The following OTOG variants were observed in gnomAD, a reference collection of about 807,000 sequenced individuals.
OTOG encodes otogelin.
Under a neutral mutation model 313.8 loss-of-function variants are expected in OTOG, and 296 were observed. The ratio of observed to expected loss-of-function variants is 0.94; its 90% CI spans 0.86 to 1.04. The LOEUF (loss-of-function observed/expected upper bound fraction) is 1.04. Among genes scored for constraint, OTOG ranks in the 50% least tolerant of loss-of-function variants. The pLI is 0.00. For missense variants in OTOG, 3,948 were observed against 3,840.1 expected, an observed-to-expected ratio of 1.03 and a Z score of -0.74; for synonymous variants, 1,533 against 1,554.9, an observed-to-expected ratio of 0.99 and a Z score of 0.33.
intron 39 of OTOG, among the ~76,000 whole-genome samples, chr11:17,622,730 C>T (rs1008995552): frequency 6.6e-6 from 1 of 152,224 alleles, no homozygotes; most frequent in Non-Finnish European, 1.5e-5. Flanking sequence ...ATAAGTACCA[C>T]ATTTTCTTTA....
rs10832824 is a variant in OTOG at position 17,641,897 on chromosome 11, C to T, written c.8241C>T (p.Cys2747=). The T allele has an allele frequency of 0.33, 506,180 of 1,548,770 alleles. 85,458 individuals are homozygous for T. The highest frequency in any genetic ancestry group is 0.48 in the African/African-American group (34,745 of 72,936). ...PRDLAACCGS[C]RNVSCLFTFP... is the part of the protein sequence containing the mutation. Reference sequence around the variant, plus strand: ...ACCTCGCTGCCTGCTGCGGCTCCTGCAGGAACGTGTCCTGTCTCTTCACCT... The same window carrying T: ...ACCTCGCTGCCTGCTGCGGCTCCTGTAGGAACGTGTCCTGTCTCTTCACCT... Residue 2747 remains cysteine (C), a synonymous_variant, in exon 52 of 56, where the codon TGC becomes TGT. Coordinates refer to ENST00000399397, the MANE Select transcript of OTOG (RefSeq NM_001292063.2).
rs1185093609 is a variant in OTOG at position 17,573,257 on chromosome 11, C to T, written c.2260C>T (p.Pro754Ser). 2.0e-6 allele frequency: 3 copies of T among 1,530,886 alleles called. No individual in the cohort carries two copies. The highest frequency in any genetic ancestry group is 2.6e-6 in the Non-Finnish European group (3 of 1,142,810). 94.8% of individuals were successfully genotyped at this position (1,530,886 alleles called of 1,614,324 possible). ...YAHLCRRHGL[P>S]VDFRARLPAC... ...CCACCTGTGCCGGCGCCATGGGCTC[C>T]CCGTTGATTTCCGCGCCCGCCTGCC... The change falls in exon 19 of 56, where the codon CCC becomes TCC. Residue 754 changes from proline (P) to serine (S), a missense_variant. Transcript: ENST00000399397.
At chr11:17,593,524 C>G in intron 26 of OTOG, 86 bp from the exon 27 acceptor site, 1 of 1,504,952 alleles carries the variant, frequency 6.6e-7, no homozygotes, top group Non-Finnish European at 9.0e-7. Flanking sequence ...GAGGCAGAGG[C>G]ATTGGTGAGG....
intron 24 of OTOG, among the ~76,000 whole-genome samples, chr11:17,589,201 G>A (rs1390105727): frequency 6.6e-6 from 1 of 152,066 alleles, no homozygotes; most frequent in East Asian, 1.9e-4. Context: ...TAAATTCATG[G>A]GCTCAGAAGG....
rs901736150 is a variant in OTOG at position 17,610,458 on chromosome 11, G to A, written c.5158G>A (p.Val1720Met). 2.6e-6 allele frequency: 4 copies of A among 1,550,510 alleles called. No individual in the cohort carries two copies. Among genetic ancestry groups the A allele is most frequent in the African/African-American group, 2.7e-5 (2 of 73,054 alleles). ...SPLATRSLEI[V>M]LSTEKGEAGH... Reference sequence around the variant, plus strand: ...CCTTGCAACCAGGAGCTTGGAGATAGTGCTATCCACAGAGAAGGGCGAAGC... The same window carrying A: ...CCTTGCAACCAGGAGCTTGGAGATAATGCTATCCACAGAGAAGGGCGAAGC... The change falls in exon 36 of 56, where the codon GTG (valine) becomes ATG (methionine). Residue 1720 changes from valine to methionine, a missense_variant. Coordinates refer to ENST00000399397, the MANE Select transcript of OTOG (RefSeq NM_001292063.2).
Position 17,635,671 on chromosome 11 carries a change from C to A in OTOG, c.7755C>A (p.His2585Gln), listed in dbSNP as rs781611324. 3.2e-6 allele frequency: 5 copies of A among 1,550,482 alleles called. No homozygotes were observed. The highest frequency in any genetic ancestry group is 4.9e-5 in the East Asian group (2 of 40,928). The part of the protein sequence containing the change: ...ECQEGEALTV[H>Q]RNTTELCCPL... ...AAGAAGGGGAGGCGCTCACTGTGCA[C>A]AGGAATACCACGGAACTCTGCTGCC... The change falls in exon 47 of 56, where the codon CAC (histidine) becomes CAA (glutamine). Residue 2585 changes from histidine (H) to glutamine (Q), a missense_variant. Coordinates refer to ENST00000399397, the MANE Select transcript of OTOG (RefSeq NM_001292063.2).
chr11:17,637,284 C>A (rs1854290563), intron 47 of OTOG, among the ~76,000 whole-genome samples: 2 of 152,066 alleles, frequency 1.3e-5, no homozygotes, highest in African/African-American at 2.4e-5. Flanking sequence ...CATGTTAATA[C>A]ATTTTCAACT....
intron 15 of OTOG, among the ~76,000 whole-genome samples, chr11:17,566,727 T>C (rs868778517): frequency 2.6e-5 from 4 of 152,250 alleles, no homozygotes; most frequent in Non-Finnish European, 4.4e-5. Flanking sequence ...AGGAAATAAC[T>C]TTATCAACTA....
Position 17,561,104 on chromosome 11 carries a change from G to A in OTOG, c.1465G>A (p.Gly489Ser), listed in dbSNP as rs1054542694. 1.9e-6 allele frequency: 3 copies of A among 1,550,470 alleles called. No individual in the cohort carries two copies. Among genetic ancestry groups the A allele is most frequent in the Non-Finnish European group, 2.6e-6 (3 of 1,146,994 alleles). Reference sequence around the variant, plus strand: ...TCTGTGTTTTAGCACATGCACCTCAGGCAAGTGGGAGTGCAGCACAGCTGT... The same window carrying A: ...TCTGTGTTTTAGCACATGCACCTCAAGCAAGTGGGAGTGCAGCACAGCTGT... Reference protein sequence around the residue: ...EDCNTCTCTSGKWECSTAVCP... With the variant: ...EDCNTCTCTSSKWECSTAVCP... The change falls in exon 14 of 56, where the codon GGC becomes AGC. Residue 489 changes from glycine to serine, a missense_variant. By Grantham distance (56) the Gly-to-Ser change is moderately conservative. Coordinates refer to ENST00000399397, the MANE Select transcript of OTOG (RefSeq NM_001292063.2).
intron 14 of OTOG, 87 bp downstream of exon 14, chr11:17,561,224 T>A: frequency 6.9e-7 from 1 of 1,449,742 alleles, no homozygotes; most frequent in Non-Finnish European, 9.5e-7. Context: ...CCAGGCTTGC[T>A]GCGGGTGGGG....
intron 8 of OTOG, among the ~76,000 whole-genome samples, 185 bp downstream of exon 8, chr11:17,557,508 G>A (rs1296137946): frequency 6.6e-6 from 1 of 152,176 alleles, no homozygotes; most frequent in East Asian, 1.9e-4. Context: ...TTAAACTACT[G>A]TCAACCCCAG....
At position 17,559,069 on chromosome 11, in the gene OTOG, C is replaced by A. The variant is rs916785428; in HGVS notation, c.1121C>A (p.Ala374Asp). The change falls in exon 11 of 56, where the codon GCC becomes GAC. Residue 374 changes from alanine to aspartate, a missense_variant. Ala to Asp is a moderately radical substitution (Grantham distance 126). Coordinates refer to ENST00000399397, the MANE Select transcript of OTOG (RefSeq NM_001292063.2). ...CTGCACAGATCAATGGGTGATGTAG[C>A]CACCTGGTGCCGGGCACTGGCGGAG... ...SDLCQSMGDVATWCRALAEYA... is the reference protein window; with the variant it reads ...SDLCQSMGDVDTWCRALAEYA... The A allele has an allele frequency of 6.5e-7, 1 of 1,548,168 alleles. No individual in the cohort carries two copies. The highest frequency in any genetic ancestry group is 1.4e-5 in the African/African-American group (1 of 73,166).
intron 34 of OTOG, among the ~76,000 whole-genome samples, chr11:17,608,637 A>G (rs1853449181): frequency 1.3e-5 from 2 of 152,202 alleles, no homozygotes; most frequent in African/African-American, 4.8e-5. Flanking sequence ...TGCGTGTACT[A>G]CTACAACTGT....
At chr11:17,585,147 C>A (rs894624200) in intron 23 of OTOG, among the ~76,000 whole-genome samples, 2 of 152,174 alleles carry the variant, frequency 1.3e-5, no homozygotes, top group African/African-American at 4.8e-5. Flanking sequence ...ATTTACCAAT[C>A]TTGGAAGAAT....
rs1432190265 is a variant in OTOG at position 17,559,615 on chromosome 11, G to A, written c.1295G>A (p.Cys432Tyr). Residue 432 changes from cysteine (C) to tyrosine (Y), a missense_variant, in exon 12 of 56, where the codon TGT becomes TAT. Coordinates refer to ENST00000399397, the MANE Select transcript of OTOG (RefSeq NM_001292063.2). Reference sequence around the variant, plus strand: ...GCCTCCTGCCATCCCCGGGCATCCTGTGTGGACAGTGAGATCGCCTGTGTG... The same window carrying A: ...GCCTCCTGCCATCCCCGGGCATCCTATGTGGACAGTGAGATCGCCTGTGTG... ...CPASCHPRAS[C>Y]VDSEIACVDG... 4 of 1,550,922 alleles carry A rather than the reference G, an allele frequency of 2.6e-6. No individual in the cohort carries two copies. In the Admixed American group the frequency reaches 5.9e-5, roughly 23 times the overall value.
At chr11:17,557,809 G>A (rs1381848393) in intron 8 of OTOG, among the ~76,000 whole-genome samples, 1 of 152,152 alleles carries the variant, frequency 6.6e-6, no homozygotes, top group East Asian at 1.9e-4. Flanking sequence ...ATCATCTCAA[G>A]TAGTCCTTGC....
rs1280131378 is a variant in OTOG, at chr11:17,606,116, C to T, written c.4137C>T (p.Gly1379=). The part of the protein sequence containing the change: ...LYEHTEVFRR[G]TLFRLLDAKP... ...AACACACAGAGGTGTTCCGCCGGGGCACACTCTTCCGCCTTCTGGGTAGGC... is the reference window on the plus strand; with the variant it reads ...AACACACAGAGGTGTTCCGCCGGGGTACACTCTTCCGCCTTCTGGGTAGGC... The change falls in exon 33 of 56, where the codon GGC becomes GGT. Residue 1379 remains glycine, a synonymous_variant. Transcript: ENST00000399397. The T allele has an allele frequency of 6.5e-7, 1 of 1,541,354 alleles. No individual in the cohort carries two copies. The highest frequency in any genetic ancestry group is 8.8e-7 in the Non-Finnish European group (1 of 1,141,630).
chr11:17,608,850 A>G (rs866987789), intron 34 of OTOG, among the ~76,000 whole-genome samples: 1 of 152,138 alleles, frequency 6.6e-6, no homozygotes, highest in East Asian at 1.9e-4. Flanking sequence ...GAACATGTAC[A>G]TGAGTGTGTG....
chr11:17,640,655 C>A (rs1220743877), intron 49 of OTOG, 90 bp from the exon 50 acceptor site: 9 of 1,351,188 alleles, frequency 6.7e-6, no homozygotes, highest in Non-Finnish European at 8.1e-6. Flanking sequence ...CAGGGAGGGA[C>A]TGACGTAGAG....
Sources: allele counts gnomAD v4.1 joint callset (sites outside exome capture counted in the v4.1 genomes callset), GRCh38; gene constraint gnomAD v4.1.1; transcripts MANE v1.5; gene names NCBI Gene and HGNC (gene_info 2026-07-23, HGNC 2026-07-21).